Variants in OPRD1 observed in about 807,000 individuals in gnomAD.
OPRD1 encodes the protein delta-type opioid receptor.
OPRD1 carries 19 observed loss-of-function variants against 17.5 expected under a neutral mutation model. The observed-to-expected ratio is 1.09, with a 90% CI of 0.76 to 1.60. OPRD1 has a LOEUF of 1.60. OPRD1 is among the 40% of genes most tolerant of loss of function. The pLI, the probability that OPRD1 is intolerant of heterozygous loss-of-function variation, is 0.00. For missense variants in OPRD1, 483 were observed against 547.2 expected (o/e 0.88, Z 1.17); for synonymous variants, 256 against 240.9 (o/e 1.06, Z -0.58).
chr1:28,816,499 G>A (rs917905055), intron 1 of OPRD1, among the ~76,000 whole-genome samples: 2 of 152,156 alleles, frequency 1.3e-5, no homozygotes, highest in African/African-American at 4.8e-5. Context: ...CATCCTGCAG[G>A]CCCCACACTC....
intron 1 of OPRD1, among the ~76,000 whole-genome samples, chr1:28,830,977 G>A (rs180700424): frequency 2.0e-5 from 3 of 152,372 alleles, no homozygotes; most frequent in Non-Finnish European, 2.9e-5. Flanking sequence ...AAGCCAGAGC[G>A]GAGATGCTGC....
At chr1:28,820,596 C>T (rs940193630) in intron 1 of OPRD1, among the ~76,000 whole-genome samples, 1 of 151,986 alleles carries the variant, frequency 6.6e-6, no homozygotes, top group Non-Finnish European at 1.5e-5. Context: ...GGAGGCAAAG[C>T]AGGAGGATCA....
Position 28,868,839 on chromosome 1 carries a change from GAA to G in OPRD1, c.*5569_*5570del, listed in dbSNP as rs11309876. ...TGGGCGACAGAGCGAGACTCTGTCT[GAA>G]AAAAAAAAAAAATTAAAAAGAAATG... On this transcript the variant is annotated 3_prime_UTR_variant, in exon 3 of 3. Coordinates refer to ENST00000234961, the MANE Select transcript of OPRD1 (RefSeq NM_000911.4). 987 of 141,372 alleles carry G rather than the reference GAA, an allele frequency of 7.0e-3. 10 individuals carry two copies. Among genetic ancestry groups the G allele is most frequent in the African/African-American group, 0.024 (924 of 38,880 alleles). 8.8% of individuals were successfully genotyped at this position (141,372 alleles called of 1,614,324 possible). A position where few individuals can be genotyped will look rare whatever the true frequency, so the allele number is the denominator to read the frequency against.
rs748270056 is a variant in OPRD1 at position 28,859,200 on chromosome 1, C to G, written c.474C>G (p.Asp158Glu). 7 of 1,614,284 alleles carry G rather than the reference C, an allele frequency of 4.3e-6. No individual in the cohort carries two copies. The highest frequency in any genetic ancestry group is 5.1e-6 in the Non-Finnish European group (6 of 1,180,056). The change falls in exon 2 of 3, where the codon GAC (aspartate) becomes GAG (glutamate). Residue 158 changes from aspartate to glutamate, a missense_variant. Asp to Glu is a conservative substitution (Grantham distance 45). Transcript: ENST00000234961. ...TCTGCCACCCTGTCAAGGCCCTGGA[C>G]TTCCGCACGCCTGCCAAGGCCAAGC... Reference protein sequence around the residue: ...IAVCHPVKALDFRTPAKAKLI... With the variant: ...IAVCHPVKALEFRTPAKAKLI...
Position 28,812,587 on chromosome 1 carries a change from G to A in OPRD1, c.204G>A (p.Val68=). Residue 68 remains valine (V), a synonymous_variant, in exon 1 of 3, where the codon GTG becomes GTA. Transcript: ENST00000234961. ...GCGCCGTGGGGCTGCTGGGCAACGT[G>A]CTTGTCATGTTCGGCATCGTCCGGT... The part of the protein sequence containing the change: ...AVCAVGLLGN[V]LVMFGIVRYT... 6.4e-7 allele frequency: 1 copy of A among 1,562,480 alleles called. No individual in the cohort carries two copies.
At chr1:28,828,980 ACT>A (rs1054738009) in intron 1 of OPRD1, among the ~76,000 whole-genome samples, 4 of 97,074 alleles carry the variant, frequency 4.1e-5, no homozygotes, top group African/African-American at 1.5e-4. Flanking sequence ...ACAGAGTGAG[ACT>A]CTGTCTCAAA....
intron 1 of OPRD1, among the ~76,000 whole-genome samples, chr1:28,844,664 C>A (rs185295863): frequency 7.2e-5 from 11 of 152,132 alleles, no homozygotes; most frequent in African/African-American, 2.7e-4. Flanking sequence ...TGGATATTAA[C>A]CCCTTATCAG....
intron 1 of OPRD1, among the ~76,000 whole-genome samples, chr1:28,844,085 T>C (rs998865093): frequency 6.6e-6 from 1 of 152,102 alleles, no homozygotes; most frequent in African/African-American, 2.4e-5. Flanking sequence ...TTTTCCACAG[T>C]GGCTGCACCA....
intron 1 of OPRD1, among the ~76,000 whole-genome samples, chr1:28,834,915 C>G (rs1274820098): frequency 6.6e-6 from 1 of 152,166 alleles, no homozygotes; most frequent in Non-Finnish European, 1.5e-5. Context: ...GGTAACCCTC[C>G]TCTATGTTCC....
chr1:28,853,043 A>G (rs1485040731), intron 1 of OPRD1, among the ~76,000 whole-genome samples: 1 of 152,154 alleles, frequency 6.6e-6, no homozygotes, highest in Non-Finnish European at 1.5e-5. Context: ...TTAGAAACAA[A>G]CAAATAAACA....
At chr1:28,855,251 A>T (rs1033415909) in intron 1 of OPRD1, among the ~76,000 whole-genome samples, 2 of 152,092 alleles carry the variant, frequency 1.3e-5, no homozygotes, top group Non-Finnish European at 2.9e-5. Flanking sequence ...CATGCAAAAT[A>T]TGGGGGGACC....
At chr1:28,840,131 A>G (rs180677528) in intron 1 of OPRD1, among the ~76,000 whole-genome samples, 1 of 152,252 alleles carries the variant, frequency 6.6e-6, no homozygotes, top group East Asian at 1.9e-4. Flanking sequence ...TCTAGTGTGG[A>G]AGACAGACAC....
chr1:28,859,162 C>A lies in OPRD1; in HGVS notation c.436C>A (p.Arg146Ser). ...IFTLTMMSVD[R>S]YIAVCHPVKA... is the part of the protein sequence containing the mutation. Reference sequence around the variant, plus strand: ...CACGCTCACCATGATGAGTGTTGACCGCTACATCGCTGTCTGCCACCCTGT... The same window carrying A: ...CACGCTCACCATGATGAGTGTTGACAGCTACATCGCTGTCTGCCACCCTGT... Residue 146 changes from arginine (R) to serine (S), a missense_variant, in exon 2 of 3, where the codon CGC becomes AGC. By Grantham distance (110) the Arg-to-Ser change is moderately radical (BLOSUM62 -1). Transcript: ENST00000234961. 6.2e-7 allele frequency: 1 copy of A among 1,614,238 alleles called. No individual in the cohort carries two copies. The highest frequency in any genetic ancestry group is 1.1e-5 in the South Asian group (1 of 91,080).
chr1:28,842,056 G>C (rs1037155457), intron 1 of OPRD1, among the ~76,000 whole-genome samples: 1 of 151,178 alleles, frequency 6.6e-6, no homozygotes, highest in Admixed American at 6.6e-5. Context: ...TTGAGACAGG[G>C]TTTCACTCTG....
intron 1 of OPRD1, among the ~76,000 whole-genome samples, chr1:28,829,856 C>T (rs988397056): frequency 6.6e-5 from 10 of 152,132 alleles, no homozygotes; most frequent in Middle Eastern, 3.4e-3. Context: ...ACTACAGGTG[C>T]GCACCACCAT....
chr1:28,822,008 A>G (rs914899453), intron 1 of OPRD1, among the ~76,000 whole-genome samples: 2 of 150,934 alleles, frequency 1.3e-5, no homozygotes, highest in South Asian at 2.1e-4. Context: ...CTGGAGTGCA[A>G]TGGCGCAATC....
At chr1:28,840,648 G>A (rs910587272) in intron 1 of OPRD1, among the ~76,000 whole-genome samples, 2 of 152,128 alleles carry the variant, frequency 1.3e-5, no homozygotes, top group Non-Finnish European at 2.9e-5. Flanking sequence ...GGGGCCAGGC[G>A]TGGTGGCTCA....
In OPRD1 at chr1:28,862,817, T is replaced by A; in HGVS notation, c.653T>A (p.Phe218Tyr). Residue 218 changes from phenylalanine to tyrosine, a missense_variant, in exon 3 of 3, where the codon TTC becomes TAC. Phe to Tyr is a conservative substitution (Grantham distance 22). Coordinates refer to ENST00000234961, the MANE Select transcript of OPRD1 (RefSeq NM_000911.4). ...YWDTVTKICVFLFAFVVPILI... is the reference protein window; with the variant it reads ...YWDTVTKICVYLFAFVVPILI... ...GACACGGTGACCAAGATCTGCGTGT[T>A]CCTCTTCGCCTTCGTGGTGCCCATC... The A allele has an allele frequency of 6.2e-7, 1 of 1,613,594 alleles. No homozygotes were observed.
At chr1:28,859,398 T>A in intron 2 of OPRD1, 95 bp downstream of exon 2, 1 of 1,052,566 alleles carries the variant, frequency 9.5e-7, no homozygotes, top group Non-Finnish European at 1.4e-6. Context: ...AGGGTGAGTG[T>A]AGGTGGCTCA....
Sources: gnomAD v4.1 joint callset for allele counts (sites outside exome capture counted in the v4.1 genomes callset) on GRCh38, gnomAD v4.1.1 for gene constraint, MANE v1.5 for transcripts, NCBI Gene and HGNC (gene_info 2026-07-23, HGNC 2026-07-21) for gene names.